The following CXXC4 variants were observed in gnomAD, a reference collection of about 807,000 sequenced individuals.
CXXC4 encodes the protein CXXC finger protein 4.
In CXXC4, 5 loss-of-function variants were observed where a neutral mutation model predicts 20.5. The observed-to-expected ratio is 0.24, with a 90% CI of 0.13 to 0.51. The LOEUF (loss-of-function observed/expected upper bound fraction) is 0.51. Among genes scored for constraint, CXXC4 ranks in the 20% least tolerant of loss-of-function variants. The pLI is 0.97. For synonymous variants in CXXC4, 250 were observed against 216.4 expected (o/e 1.16, Z -1.36); for missense variants, 419 against 496.4 (o/e 0.84, Z 1.48).
intron 1 of CXXC4, among the ~76,000 whole-genome samples, chr4:104,493,627 T>A (rs1578325793): frequency 6.6e-6 from 1 of 152,182 alleles, no homozygotes; most frequent in African/African-American, 2.4e-5. Flanking sequence ...CAGGCATCTT[T>A]CAATCACAGC....
At chr4:104,487,112 G>GA (rs1034624478) in intron 2 of CXXC4, among the ~76,000 whole-genome samples, 11 of 151,820 alleles carry the variant, frequency 7.2e-5, no homozygotes, top group Middle Eastern at 6.8e-3. Context: ...AGAAAGTAAA[G>GA]AAAAAAAATG....
Position 104,491,326 on chromosome 4 carries a change from G to A in CXXC4, c.477C>T (p.Gly159=), listed in dbSNP as rs745412579. Residue 159 remains glycine (G), a synonymous_variant, in exon 2 of 3, where the codon GGC becomes GGT. Coordinates refer to ENST00000394767, the MANE Select transcript of CXXC4 (RefSeq NM_025212.4). ...TCCTGCTGCCGCCGCCGCCGCCGCC[G>A]CCGCCACCGCCGGCGGGGAGGATCG... ...SSAILPAGGG[G]GGGGGGSRTS... 1.1e-5 allele frequency: 17 copies of A among 1,554,838 alleles called. No individual in the cohort carries two copies. The highest frequency in any genetic ancestry group is 9.9e-5 in the East Asian group (4 of 40,488).
At chr4:104,472,440 C>G in intron 2 of CXXC4, 74 bp from the exon 3 acceptor site, 1 of 1,040,030 alleles carries the variant, frequency 9.6e-7, no homozygotes, top group Non-Finnish European at 1.5e-6. Flanking sequence ...TTCTCCTTTA[C>G]ACTTCAGCAA....
rs947248658 is a variant in CXXC4 at position 104,469,759 on chromosome 4, G to A, written c.*2563C>T. On this transcript the variant is annotated 3_prime_UTR_variant, in exon 3 of 3. Coordinates refer to ENST00000394767, the MANE Select transcript of CXXC4 (RefSeq NM_025212.4). ...ACATTAAAAAGTGGGTGGTATAAAA[G>A]AACAATATCAAGAATAAAAAACATA... 11 of 151,634 alleles carry A rather than the reference G, an allele frequency of 7.3e-5. No individual in the cohort carries two copies. The highest frequency in any genetic ancestry group is 2.7e-4 in the African/African-American group (11 of 41,306). The allele number at this position is 151,634 out of a possible 1,614,324, so 9.4% of individuals were successfully genotyped here.
In CXXC4 at chr4:104,490,867, C is replaced by T. The variant is rs1220595235; in HGVS notation, c.936G>A (p.Val312=). The change falls in exon 2 of 3, where the codon GTG becomes GTA. Residue 312 remains valine, a synonymous_variant. Coordinates refer to ENST00000394767, the MANE Select transcript of CXXC4 (RefSeq NM_025212.4). ...KKKRKRCGVC[V]PCKRLINCGV... is the part of the protein sequence containing the mutation. ...CACAGTTGATGAGCCTCTTGCAGGG[C>T]ACGCAGACCCCACACCTTTTCCTCT... 1.2e-6 allele frequency: 2 copies of T among 1,614,092 alleles called. No homozygotes were observed. Among genetic ancestry groups the T allele is most frequent in the African/African-American group, 2.7e-5 (2 of 74,930 alleles).
rs1736888240 is a variant in CXXC4, at chr4:104,491,779, C to A, written c.24G>T (p.Glu8Asp). The change falls in exon 2 of 3, where the codon GAG becomes GAT. Residue 8 changes from glutamate to aspartate, a missense_variant. Transcript: ENST00000394767. ...CCGGGGCCTCCGGGCTCGGCCCGGG[C>A]TCCACGCAGACATTGGTGTTCATGG... The part of the protein sequence containing the change: MNTNVCV[E>D]PGPSPEAPGL... 5 of 1,525,178 alleles carry A rather than the reference C, an allele frequency of 3.3e-6. No individual in the cohort carries two copies. Among genetic ancestry groups the A allele is most frequent in the African/African-American group, 2.8e-5 (2 of 70,890 alleles). 94.5% of individuals were successfully genotyped at this position (1,525,178 alleles called of 1,614,324 possible). A position where few individuals can be genotyped will look rare whatever the true frequency, so the allele number is the denominator to read the frequency against.
rs1199376218 is a variant in CXXC4 at position 104,491,169 on chromosome 4, C to T, written c.634G>A (p.Glu212Lys). The change falls in exon 2 of 3, where the codon GAA (glutamate) becomes AAA (lysine). Residue 212 changes from glutamate (E) to lysine (K), a missense_variant. By Grantham distance (56) the Glu-to-Lys change is moderately conservative (BLOSUM62 1). Around this residue, in one of 3 missense-constraint regions of CXXC4, gnomAD observed 388 missense variants for 416.0 expected, o/e 0.93. Coordinates refer to ENST00000394767, the MANE Select transcript of CXXC4 (RefSeq NM_025212.4). Reference sequence around the variant, plus strand: ...CCGCATTTGAGCTTGTTCATGCATTCCCCCGCCAAAGGTCTGCAGTGTTCA... The same window carrying T: ...CCGCATTTGAGCTTGTTCATGCATTTCCCCGCCAAAGGTCTGCAGTGTTCA... ...SPEHCRPLAG[E>K]CMNKLKCGAA... 2 of 1,613,938 alleles carry T rather than the reference C, an allele frequency of 1.2e-6. No individual in the cohort carries two copies. Among genetic ancestry groups the T allele is most frequent in the Non-Finnish European group, 8.5e-7 (1 of 1,180,002 alleles).
At chr4:104,482,414 C>T (rs549603904) in intron 2 of CXXC4, among the ~76,000 whole-genome samples, 22 of 152,212 alleles carry the variant, frequency 1.4e-4, no homozygotes, top group Admixed American at 9.8e-4. Context: ...TTCTTTTTCA[C>T]GGACTAAAGG....
At position 104,491,284 on chromosome 4, in the gene CXXC4, T is replaced by C; in HGVS notation, c.519A>G (p.Arg173=). The C allele has an allele frequency of 8.1e-6, 13 of 1,611,370 alleles. No homozygotes were observed. Among genetic ancestry groups the C allele is most frequent in the Non-Finnish European group, 1.0e-5 (12 of 1,179,536 alleles). Residue 173 remains arginine (R), a synonymous_variant, in exon 2 of 3, where the codon CGA becomes CGG. Transcript: ENST00000394767. ...GGGSRTSMHH[R]NDSQRLGKAG... is the part of the protein sequence containing the mutation. Reference sequence around the variant, plus strand: ...CTTTCCCCAGCCTCTGGGAGTCGTTTCGGTGGTGCATGCTGGTCCTGCTGC... The same window carrying C: ...CTTTCCCCAGCCTCTGGGAGTCGTTCCGGTGGTGCATGCTGGTCCTGCTGC...
chr4:104,482,038 A>G (rs986513990), intron 2 of CXXC4, among the ~76,000 whole-genome samples: 44 of 152,232 alleles, frequency 2.9e-4, no homozygotes, highest in African/African-American at 1.0e-3. Flanking sequence ...TTTACACAGC[A>G]ACTCAGCACA....
At chr4:104,479,099 G>A (rs935626735) in intron 2 of CXXC4, among the ~76,000 whole-genome samples, 13 of 152,118 alleles carry the variant, frequency 8.5e-5, no homozygotes, top group African/African-American at 2.9e-4. Context: ...TTGGTAATTA[G>A]CCATTGAAAA....
chr4:104,488,284 G>A (rs1736747126), intron 2 of CXXC4, among the ~76,000 whole-genome samples: 1 of 152,080 alleles, frequency 6.6e-6, no homozygotes, highest in South Asian at 2.1e-4. Context: ...GTCAGCAGGG[G>A]GACTTTTCAC....
At chr4:104,486,763 ATTATT>A (rs555061278) in intron 2 of CXXC4, among the ~76,000 whole-genome samples, 7 of 152,148 alleles carry the variant, frequency 4.6e-5, no homozygotes, top group Non-Finnish European at 1.0e-4. Context: ...CAATTATTGA[ATTATT>A]TTATTAACTA....
intron 2 of CXXC4, among the ~76,000 whole-genome samples, chr4:104,486,072 A>G (rs1371754715): frequency 6.6e-6 from 1 of 152,078 alleles, no homozygotes; most frequent in Non-Finnish European, 1.5e-5. Flanking sequence ...TGAATTTCAA[A>G]CATTCTTATA....
At chr4:104,473,175 T>G (rs2110269518) in intron 2 of CXXC4, among the ~76,000 whole-genome samples, 1 of 151,992 alleles carries the variant, frequency 6.6e-6, no homozygotes, top group Non-Finnish European at 1.5e-5. Context: ...CCTGCAACAC[T>G]TATCATTAAA....
Position 104,491,954 on chromosome 4 carries a change from G to A in CXXC4, c.-152C>T, listed in dbSNP as rs1399237924. On this transcript the variant is annotated 5_prime_UTR_variant, in exon 2 of 3. Coordinates refer to ENST00000394767, the MANE Select transcript of CXXC4 (RefSeq NM_025212.4). ...GCGGGTGGGGAAAGTGGGTTCGGGT[G>A]GGGAGAGCAAGGTGAGGGCTGCTTT... The A allele has an allele frequency of 9.6e-6, 4 of 418,336 alleles. No homozygotes were observed. The highest frequency in any genetic ancestry group is 8.3e-5 in the African/African-American group (4 of 48,254). The allele number at this position is 418,336 out of a possible 1,614,324, so 25.9% of individuals were successfully genotyped here. A position where few individuals can be genotyped will look rare whatever the true frequency, so the allele number is the denominator to read the frequency against.
At chr4:104,492,973 T>C (rs1232760170) in intron 1 of CXXC4, among the ~76,000 whole-genome samples, 1 of 150,840 alleles carries the variant, frequency 6.6e-6, no homozygotes, top group African/African-American at 2.5e-5. Context: ...TTGCTGTCTC[T>C]TCCGAAGACA....
At chr4:104,477,431 A>C (rs1395528115) in intron 2 of CXXC4, among the ~76,000 whole-genome samples, 1 of 152,108 alleles carries the variant, frequency 6.6e-6, no homozygotes, top group Non-Finnish European at 1.5e-5. Flanking sequence ...AATGTGAACA[A>C]ACTGATTGAC....
At chr4:104,489,983 T>C (rs1736798482) in intron 2 of CXXC4, among the ~76,000 whole-genome samples, 1 of 152,204 alleles carries the variant, frequency 6.6e-6, no homozygotes, top group Non-Finnish European at 1.5e-5. Flanking sequence ...GTAACTGAGT[T>C]TTAGAAATTA....
Sources: gnomAD v4.1 joint callset for allele counts (sites outside exome capture counted in the v4.1 genomes callset) on GRCh38, gnomAD v4.1.1 for gene constraint, gnomAD v4.1.1 regional missense constraint, MANE v1.5 for transcripts, NCBI Gene and HGNC (gene_info 2026-07-23, HGNC 2026-07-21) for gene names.